Variants in DNMT3A observed in about 807,000 individuals in gnomAD.
DNMT3A encodes DNA (cytosine-5)-methyltransferase 3A.
In DNMT3A, 267 loss-of-function variants were observed where a neutral mutation model predicts 117.6. The observed-to-expected ratio is 2.27, with a 90% CI of 2.05 to 2.51. The LOEUF is 2.51. Among genes scored for constraint, DNMT3A ranks in the 30% most tolerant of loss-of-function variants. DNMT3A has a pLI of 0.00. For missense variants in DNMT3A, 1,029 were observed against 1,260.2 expected (o/e 0.82, Z 2.78); for synonymous variants, 432 against 474.8 (o/e 0.91, Z 1.17).
Position 25,281,403 on chromosome 2 carries a change from G to T in DNMT3A, c.448+1038C>A. The T allele has an allele frequency of 9.9e-7, 1 of 1,010,294 alleles. No individual in the cohort carries two copies. Among genetic ancestry groups the T allele is most frequent in the Non-Finnish European group, 1.2e-6 (1 of 840,550 alleles). 62.6% of individuals were successfully genotyped at this position (1,010,294 alleles called of 1,614,324 possible). ...CCTCTGTAGTGTTCTGCACATAGTG[G>T]GAGCATCATACATATTTGTCGAATA... On this transcript the variant is annotated intron_variant, in intron 4 of 22. Coordinates refer to ENST00000321117, the MANE Select transcript of DNMT3A (RefSeq NM_022552.5). This position sits in a 1 kb window ranked among gnomAD's most constrained non-coding sequence, Gnocchi z 4.8.
chr2:25,262,404 C>T (rs1346462624), intron 6 of DNMT3A, among the ~76,000 whole-genome samples: 1 of 152,130 alleles, frequency 6.6e-6, no homozygotes, highest in African/African-American at 2.4e-5. Context: ...AAAACTTCTG[C>T]TCATCAGAAT....
chr2:25,318,281 T>C (rs1314004604), intron 1 of DNMT3A, among the ~76,000 whole-genome samples: 1 of 151,990 alleles, frequency 6.6e-6, no homozygotes, highest in Admixed American at 6.5e-5. Context: ...ATCAGTTGGG[T>C]TTTTTTGTTT....
At chr2:25,249,532 C>T in intron 6 of DNMT3A, 1 of 1,080,568 alleles carries the variant, frequency 9.3e-7, no homozygotes, top group Non-Finnish European at 1.4e-6. Flanking sequence ...TCCATAAATA[C>T]ATGTATTCAT....
In DNMT3A at chr2:25,240,438, C is replaced by T. The variant is rs757211277; in HGVS notation, c.2186G>A (p.Arg729Gln). ...ARKGLYEGTG[R>Q]LFFEFYRLLH... ...GAGGCGGTAGAACTCAAAGAAGAGC[C>T]GGCCAGTGCCCTCTGAGAGGTCGGA... The change falls in exon 19 of 23, where the codon CGG (arginine) becomes CAG (glutamine). Residue 729 changes from arginine to glutamine, a missense_variant. Arg to Gln is a conservative substitution (Grantham distance 43). Coordinates refer to ENST00000321117, the MANE Select transcript of DNMT3A (RefSeq NM_022552.5). 9.3e-6 allele frequency: 15 copies of T among 1,608,430 alleles called. No individual in the cohort carries two copies. The highest frequency in any genetic ancestry group is 3.4e-5 in the Admixed American group (2 of 59,472).
chr2:25,239,003 T>C (rs1054184114), intron 20 of DNMT3A, 127 bp downstream of exon 20: 1 of 721,380 alleles, frequency 1.4e-6, no homozygotes, highest in East Asian at 2.7e-5. Flanking sequence ...ATAAGGAACA[T>C]GGCAGAGCAG....
intron 3 of DNMT3A, among the ~76,000 whole-genome samples, chr2:25,289,243 C>T (rs1191971110): frequency 6.6e-6 from 1 of 152,004 alleles, no homozygotes; most frequent in African/African-American, 2.4e-5. Context: ...GCTGGGATTA[C>T]AGGTGCCTGC....
Position 25,341,811 on chromosome 2 carries a change from A to C in DNMT3A, c.-178+15T>G. 1.0e-6 allele frequency: 1 copy of C among 976,178 alleles called. No homozygotes were observed. 60.5% of individuals were successfully genotyped at this position (976,178 alleles called of 1,614,324 possible). A position where few individuals can be genotyped will look rare whatever the true frequency, so the allele number is the denominator to read the frequency against. On this transcript the variant is annotated intron_variant, in intron 1 of 22. Coordinates refer to ENST00000321117, the MANE Select transcript of DNMT3A (RefSeq NM_022552.5). ...CGGGCCGGCCTTCCGGGCCGCCAGCAGCGGCGCTCATTACCGTATGGCCGG... is the reference window on the plus strand; with the variant it reads ...CGGGCCGGCCTTCCGGGCCGCCAGCCGCGGCGCTCATTACCGTATGGCCGG...
intron 4 of DNMT3A, among the ~76,000 whole-genome samples, chr2:25,280,540 G>A (rs2031815521): frequency 6.6e-6 from 1 of 152,144 alleles, no homozygotes; most frequent in African/African-American, 2.4e-5. Context: ...AGCTCGCGCT[G>A]GACAGCCCAG....
Position 25,241,589 on chromosome 2 carries a change from C to T in DNMT3A, c.2055G>A (p.Gly685=), listed in dbSNP as rs1674034291. The T allele has an allele frequency of 1.2e-6, 2 of 1,612,962 alleles. No homozygotes were observed. The highest frequency in any genetic ancestry group is 1.3e-5 in the African/African-American group (1 of 74,878). ...GCTTCTGTGTGACGCTGCGGACGTC[C>T]CCGACGTACATGATCTTCCCCTGGT... ...VRHQGKIMYV[G]DVRSVTQKHI... is the part of the protein sequence containing the mutation. The change falls in exon 17 of 23, where the codon GGG becomes GGA. Residue 685 remains glycine (G), a synonymous_variant. Transcript: ENST00000321117.
chr2:25,284,694 A>T (rs1396139307), intron 3 of DNMT3A, among the ~76,000 whole-genome samples: 11 of 150,412 alleles, frequency 7.3e-5, no homozygotes, highest in Non-Finnish European at 1.6e-4. Flanking sequence ...AAAAAAAAAA[A>T]AATAATGCTA....
At chr2:25,292,622 C>T (rs1035043512) in intron 3 of DNMT3A, among the ~76,000 whole-genome samples, 2 of 152,198 alleles carry the variant, frequency 1.3e-5, no homozygotes, top group Non-Finnish European at 2.9e-5. Flanking sequence ...GCCTTAATCA[C>T]ATCCTCTGCC....
intron 1 of DNMT3A, among the ~76,000 whole-genome samples, chr2:25,319,468 G>C (rs564403509): frequency 2.2e-4 from 34 of 152,290 alleles, no homozygotes; most frequent in Non-Finnish European, 3.1e-4. Flanking sequence ...GACATCTTCA[G>C]ACATATGAGG....
intron 1 of DNMT3A, among the ~76,000 whole-genome samples, chr2:25,330,905 C>T (rs1014265886): frequency 6.6e-6 from 1 of 152,134 alleles, no homozygotes; most frequent in Non-Finnish European, 1.5e-5. Flanking sequence ...TAATTGGGAA[C>T]AAGAGAGTCA....
At chr2:25,260,372 C>T (rs1676496113) in intron 6 of DNMT3A, among the ~76,000 whole-genome samples, 1 of 152,104 alleles carries the variant, frequency 6.6e-6, no homozygotes, top group Non-Finnish European at 1.5e-5. Context: ...TAATGCACTG[C>T]CCAGGTGGTT....
intron 1 of DNMT3A, among the ~76,000 whole-genome samples, chr2:25,316,866 C>A (rs1036411610): frequency 1.1e-5 from 1 of 92,166 alleles, no homozygotes; most frequent in Non-Finnish European, 2.2e-5. Context: ...CCACAGTGAC[C>A]ATGAATAATG....
chr2:25,230,845 G>A lies in DNMT3A; in HGVS notation c.*3434C>T, dbSNP rs971716796. On this transcript the variant is annotated 3_prime_UTR_variant, in exon 23 of 23. Transcript: ENST00000321117. The stretch of plus-strand genomic sequence containing the variant: ...GGGCATCTGGTCCATTCTAGGGCCT[G>A]GTCAAGTGGCTAGATCTGGAGGAAC... 5 of 147,932 alleles carry A rather than the reference G, an allele frequency of 3.4e-5. No homozygotes were observed. The highest frequency in any genetic ancestry group is 1.0e-4 in the African/African-American group (4 of 39,474). The allele number at this position is 147,932 out of a possible 1,614,324, so 9.2% of individuals were successfully genotyped here. A position where few individuals can be genotyped will look rare whatever the true frequency, so the allele number is the denominator to read the frequency against.
chr2:25,246,786 G>T lies in DNMT3A; in HGVS notation c.1123-10C>A. ...CGCGGCTGCTGGCCACCTGGAGGGT[G>T]ACACGCCAGGGTTGGGGTTGTCAGG... is the stretch of plus-strand genomic sequence containing the variant. On this transcript the variant is annotated splice_polypyrimidine_tract_variant and intron_variant, in intron 9 of 22. Coordinates refer to ENST00000321117, the MANE Select transcript of DNMT3A (RefSeq NM_022552.5). 6.2e-7 allele frequency: 1 copy of T among 1,612,242 alleles called. No individual in the cohort carries two copies. The highest frequency in any genetic ancestry group is 1.1e-5 in the South Asian group (1 of 90,944).
intron 22 of DNMT3A, among the ~76,000 whole-genome samples, chr2:25,235,089 G>A (rs1673201342): frequency 6.6e-6 from 1 of 152,194 alleles, no homozygotes; most frequent in African/African-American, 2.4e-5. Flanking sequence ...CTATAAAATT[G>A]GCACCACAAG....
chr2:25,268,013 C>T (rs558055755), intron 6 of DNMT3A, among the ~76,000 whole-genome samples: 5 of 152,168 alleles, frequency 3.3e-5, no homozygotes, highest in Non-Finnish European at 5.9e-5. Flanking sequence ...AGTATTTGAA[C>T]TTGCCTCCAA....
Sources: allele counts gnomAD v4.1 joint callset (sites outside exome capture counted in the v4.1 genomes callset), GRCh38; gene constraint gnomAD v4.1.1; non-coding constraint Gnocchi (gnomAD v3.1); transcripts MANE v1.5; gene names NCBI Gene and HGNC (gene_info 2026-07-23, HGNC 2026-07-21).